The following DEAF1 variants were observed in gnomAD, a reference collection of about 807,000 sequenced individuals.
DEAF1 encodes the protein deformed epidermal autoregulatory factor 1 homolog.
In DEAF1, 53 loss-of-function variants were observed where a neutral mutation model predicts 58.9. The ratio of observed to expected loss-of-function variants is 0.90; its 90% CI spans 0.72 to 1.13. The LOEUF is 1.13. Among genes scored for constraint, DEAF1 ranks in the 50% most tolerant of loss-of-function variants. DEAF1 has a pLI of 0.00. For missense variants in DEAF1, 685 were observed against 791.4 expected, an observed-to-expected ratio of 0.87 and a Z score of 1.61; for synonymous variants, 385 against 340.4, an observed-to-expected ratio of 1.13 and a Z score of -1.44.
chr11:705,914 C>G (rs1442831604), intron 1 of DEAF1, among the ~76,000 whole-genome samples: 2 of 152,196 alleles, frequency 1.3e-5, no homozygotes, highest in Admixed American at 1.3e-4. Context: ...CCCGCGGAGG[C>G]GGCCCTGCGC....
At chr11:694,711 T>C (rs1002722573) in intron 1 of DEAF1, 48 bp downstream of exon 1, 28 of 1,269,190 alleles carry the variant, frequency 2.2e-5, no homozygotes, top group Middle Eastern at 3.0e-4. Flanking sequence ...GCGCGCGGGG[T>C]AGGCGCGCGG....
rs1317916914 is a variant in DEAF1 at position 688,144 on chromosome 11, C to T, written c.518-87G>A. ...ATCTCAGACACCACCTCCCCGGCAG[C>T]GCCACCTCCTTCAACGGCGGAAAAA... On this transcript the variant is annotated intron_variant, in intron 3 of 11. Transcript: ENST00000382409. The surrounding 1 kb of genome is among the most constrained non-coding windows in gnomAD (Gnocchi z 4.3). 25 of 1,584,740 alleles carry T rather than the reference C, an allele frequency of 1.6e-5. No homozygotes were observed. The highest frequency in any genetic ancestry group is 1.8e-4 in the Middle Eastern group (1 of 5,524).
chr11:678,546 T>C (rs886780442), intron 9 of DEAF1, 148 bp downstream of exon 9: 2 of 1,137,554 alleles, frequency 1.8e-6, no homozygotes, highest in African/African-American at 1.5e-5. Context: ...ACATAGGCAG[T>C]GGGCCACACT....
Position 694,744 on chromosome 11 carries a change from G to A in DEAF1, c.289+15C>T. On this transcript the variant is annotated intron_variant, in intron 1 of 11. Coordinates refer to ENST00000382409, the MANE Select transcript of DEAF1 (RefSeq NM_021008.4). ...CGGGAACCGGACGAGGCGAGAGGCC[G>A]GCGGGCGCACTTGCCTGCGAAGGCT... 7.7e-7 allele frequency: 1 copy of A among 1,291,584 alleles called. No homozygotes were observed. Among genetic ancestry groups the A allele is most frequent in the Non-Finnish European group, 9.8e-7 (1 of 1,024,584 alleles). The allele number at this position is 1,291,584 out of a possible 1,614,324, so 80.0% of individuals were successfully genotyped here.
At position 704,225 on chromosome 11, in the gene DEAF1, G is replaced by C. The variant is rs951788988; in HGVS notation, c.-438+2347C>G. 1.3e-5 allele frequency: 12 copies of C among 926,182 alleles called. No individual in the cohort carries two copies. In the Middle Eastern group the frequency reaches 1.4e-3, roughly 111 times the overall value. 57.4% of individuals were successfully genotyped at this position (926,182 alleles called of 1,614,324 possible). ...TTGCCAGCTGGTCAGTTCCTGGCTG[G>C]CCTCGCCCTCGGGCCCTGGCTGCCG... On this transcript the variant is annotated intron_variant, in intron 1 of 11. Transcript: ENST00000683307.
At chr11:702,711 A>G (rs1249248980) in intron 1 of DEAF1, among the ~76,000 whole-genome samples, 1 of 152,174 alleles carries the variant, frequency 6.6e-6, no homozygotes, top group African/African-American at 2.4e-5. Context: ...AGATCAAACC[A>G]TGCTGTTGCA....
At chr11:668,264 T>G (rs905409096) in intron 10 of DEAF1, among the ~76,000 whole-genome samples, 3 of 152,134 alleles carry the variant, frequency 2.0e-5, no homozygotes, top group Admixed American at 6.6e-5. Context: ...AAGTACATCT[T>G]TAGGTTGAAG....
At chr11:677,200 G>C (rs6597995) in intron 9 of DEAF1, among the ~76,000 whole-genome samples, 1 of 150,980 alleles carries the variant, frequency 6.6e-6, no homozygotes, top group East Asian at 1.9e-4. Context: ...TCCTGGCCTC[G>C]GCCTCCTAAA....
chr11:682,538 G>A (rs1368718809), intron 6 of DEAF1, among the ~76,000 whole-genome samples: 1 of 152,182 alleles, frequency 6.6e-6, no homozygotes, highest in Non-Finnish European at 1.5e-5. Context: ...TTTGGGAGGG[G>A]CTTTGGAGCT....
chr11:647,220 C>T lies in DEAF1; in HGVS notation c.1594-2566G>A, dbSNP rs186851770. Among the ~76,000 whole-genome samples the T allele has an allele frequency of 1.4e-4, 22 of 151,938 alleles. No individual in the cohort carries two copies. In the East Asian group the frequency reaches 2.5e-3, roughly 17 times the overall value. On this transcript the variant is annotated intron_variant, in intron 11 of 11. Transcript: ENST00000382409. ...CCAGTAATCTCAGCACTTTGGGAGG[C>T]CAAGGCAGGCAGATCATGAGGTCAG...
chr11:659,995 G>A (rs1859248248), intron 10 of DEAF1, among the ~76,000 whole-genome samples: 1 of 152,218 alleles, frequency 6.6e-6, no homozygotes, highest in African/African-American at 2.4e-5. Context: ...GGGCCCAAGG[G>A]GCTGCTGCTG....
intron 4 of DEAF1, 139 bp downstream of exon 4, chr11:687,772 A>G: frequency 9.1e-7 from 1 of 1,095,380 alleles, no homozygotes; most frequent in Admixed American, 1.9e-5. Flanking sequence ...CTGGTATTAC[A>G]GGCATCAGCC....
chr11:685,631 G>A (rs1211358531), intron 5 of DEAF1, among the ~76,000 whole-genome samples: 1 of 152,046 alleles, frequency 6.6e-6, no homozygotes, highest in Non-Finnish European at 1.5e-5. Flanking sequence ...GGAGGCAGAG[G>A]TTACAGTGAG....
chr11:698,512 AAGCCACAGACGGTG>A (rs781579592), upstream of DEAF1, among the ~76,000 whole-genome samples: 9 of 152,210 alleles, frequency 5.9e-5, no homozygotes, highest in Admixed American at 1.3e-4. Flanking sequence ...AAATACGGAG[AAGCCACAGACGGTG>A]AGCCACAGAC....
chr11:688,545 G>T lies in DEAF1; in HGVS notation c.388-85C>A, dbSNP rs1442898953. ...AGCCCAGCTGGGCCGTCCTCCAGCAGGGCTCTCTGGCTGTTCTCACCAAGA... is the reference window on the plus strand; with the variant it reads ...AGCCCAGCTGGGCCGTCCTCCAGCATGGCTCTCTGGCTGTTCTCACCAAGA... On this transcript the variant is annotated intron_variant, in intron 2 of 11. Coordinates refer to ENST00000382409, the MANE Select transcript of DEAF1 (RefSeq NM_021008.4). The surrounding 1 kb of genome is among the most constrained non-coding windows in gnomAD (Gnocchi z 4.3). 2.6e-6 allele frequency: 4 copies of T among 1,561,736 alleles called. No homozygotes were observed. Among genetic ancestry groups the T allele is most frequent in the South Asian group, 1.1e-5 (1 of 90,022 alleles).
At chr11:662,024 C>T (rs1353135511) in intron 10 of DEAF1, among the ~76,000 whole-genome samples, 3 of 152,166 alleles carry the variant, frequency 2.0e-5, no homozygotes, top group Admixed American at 6.5e-5. Context: ...GGGCCGGGCG[C>T]GGTGGCTCAT....
chr11:690,514 G>A (rs533393361), intron 2 of DEAF1, among the ~76,000 whole-genome samples: 1 of 152,108 alleles, frequency 6.6e-6, no homozygotes, highest in South Asian at 2.1e-4. Context: ...AGCACTTTGG[G>A]AGGTCAAGGC....
Position 694,882 on chromosome 11 carries a change from C to A in DEAF1, c.166G>T (p.Ala56Ser). 2 of 1,502,330 alleles carry A rather than the reference C, an allele frequency of 1.3e-6. No homozygotes were observed. The highest frequency in any genetic ancestry group is 1.8e-6 in the Non-Finnish European group (2 of 1,130,438). 93.1% of individuals were successfully genotyped at this position (1,502,330 alleles called of 1,614,324 possible). Reference sequence around the variant, plus strand: ...GTGACCCGCGGCGTCTCCCGCTCCGCCTCCGAGTCTGCGTCCTCCTCCGAG... The same window carrying A: ...GTGACCCGCGGCGTCTCCCGCTCCGACTCCGAGTCTGCGTCCTCCTCCGAG... ...EDSEEDADSEAERETPRVTAV... is the reference protein window; with the variant it reads ...EDSEEDADSESERETPRVTAV... The change falls in exon 1 of 12, where the codon GCG becomes TCG. Residue 56 changes from alanine to serine, a missense_variant. Physicochemically the swap from Ala to Ser is moderately conservative, Grantham distance 99. This residue lies in a region of DEAF1 where 210 missense variants were observed against 177.3 expected (regional missense o/e 1.18). Transcript: ENST00000382409.
At chr11:673,071 C>T (rs1035068181) in intron 10 of DEAF1, among the ~76,000 whole-genome samples, 1 of 151,674 alleles carries the variant, frequency 6.6e-6, no homozygotes, top group Admixed American at 6.6e-5. Context: ...ATTGCTTGAT[C>T]CCAGGAAGTG....
Sources: gnomAD v4.1 joint callset for allele counts (sites outside exome capture counted in the v4.1 genomes callset) on GRCh38, gnomAD v4.1.1 for gene constraint, gnomAD v4.1.1 regional missense constraint, Gnocchi (gnomAD v3.1) non-coding constraint, MANE v1.5 for transcripts, NCBI Gene and HGNC (gene_info 2026-07-23, HGNC 2026-07-21) for gene names.